The following HACD2 variants were observed in gnomAD, a reference collection of about 807,000 sequenced individuals.
The protein encoded by HACD2 is 3-hydroxyacyl-CoA dehydratase 2.
HACD2 carries 15 observed loss-of-function variants against 31.0 expected under a neutral mutation model. That is an observed-to-expected ratio of 0.48 (90% confidence interval 0.32 to 0.75). The LOEUF is 0.75. Among genes scored for constraint, HACD2 ranks in the 30% least tolerant of loss-of-function variants. The probability of loss-of-function intolerance (pLI) is 0.03; values close to 1 mark genes in which losing one functional copy is unlikely to be tolerated. For synonymous variants in HACD2, 115 were observed against 122.2 expected (o/e 0.94, Z 0.39); for missense variants, 283 against 313.0 (o/e 0.90, Z 0.72).
intron 4 of HACD2, among the ~76,000 whole-genome samples, chr3:123,503,087 C>T (rs751551375): frequency 2.0e-5 from 3 of 152,028 alleles, no homozygotes; most frequent in Non-Finnish European, 2.9e-5. Context: ...AACATGGTAA[C>T]ACCCTGTTTC....
intron 3 of HACD2, among the ~76,000 whole-genome samples, chr3:123,541,808 G>A (rs2107720440): frequency 6.6e-6 from 1 of 152,226 alleles, no homozygotes; most frequent in South Asian, 2.1e-4. Flanking sequence ...TCAAATATTT[G>A]CAACCAATGT....
intron 3 of HACD2, among the ~76,000 whole-genome samples, chr3:123,560,626 G>A (rs1355584011): frequency 1.3e-5 from 2 of 152,236 alleles, no homozygotes; most frequent in South Asian, 4.1e-4. Context: ...TTTGTGACAG[G>A]GGTCCCGGTA....
intron 3 of HACD2, among the ~76,000 whole-genome samples, chr3:123,550,903 T>C (rs1432621829): frequency 2.0e-5 from 3 of 152,040 alleles, no homozygotes; most frequent in East Asian, 1.9e-4. Context: ...ATTTGCAGGA[T>C]GCAGGGAGAA....
intron 3 of HACD2, among the ~76,000 whole-genome samples, chr3:123,529,124 C>T (rs370563770): frequency 6.6e-5 from 10 of 151,734 alleles, no homozygotes; most frequent in African/African-American, 1.7e-4. Flanking sequence ...TTTTTGAGAC[C>T]GAGTCTCACT....
rs547766020 is a variant in HACD2, at chr3:123,551,477, T to G, written c.292+16285A>C. Among the ~76,000 whole-genome samples, 8 of 151,822 alleles carry G rather than the reference T, an allele frequency of 5.3e-5. No individual in the cohort carries two copies. In the East Asian group the frequency reaches 1.4e-3, roughly 26 times the overall value. On this transcript the variant is annotated intron_variant, in intron 3 of 6. Transcript: ENST00000383657. ...CTACTAAAAAAAAATATATAAAAAT[T>G]AGCCAGGCATGGTGGCGAGTGCCTG...
intron 3 of HACD2, among the ~76,000 whole-genome samples, chr3:123,538,719 A>G (rs1440354767): frequency 6.6e-6 from 1 of 152,200 alleles, no homozygotes; most frequent in African/African-American, 2.4e-5. Context: ...GAGCAACTGC[A>G]CCCAGCATTT....
At position 123,494,163 on chromosome 3, in the gene HACD2, G is replaced by A. The variant is rs1296095549; in HGVS notation, c.*725C>T. On this transcript the variant is annotated 3_prime_UTR_variant, in exon 7 of 7. Transcript: ENST00000383657. The stretch of plus-strand genomic sequence containing the variant: ...GAGACCTGTCATTTTGTTAAGACAT[G>A]ATTGAGGCTGAGCTCCAGATAAGAT... The A allele has an allele frequency of 6.6e-6, 1 of 152,238 alleles. No homozygotes were observed. The highest frequency in any genetic ancestry group is 1.5e-5 in the Non-Finnish European group (1 of 68,088). 9.4% of individuals were successfully genotyped at this position (152,238 alleles called of 1,614,324 possible). A position where few individuals can be genotyped will look rare whatever the true frequency, so the allele number is the denominator to read the frequency against.
At chr3:123,561,252 C>T (rs1334583441) in intron 3 of HACD2, among the ~76,000 whole-genome samples, 15 of 152,174 alleles carry the variant, frequency 9.9e-5, no homozygotes, top group Non-Finnish European at 1.6e-4. Context: ...CCATACGCTA[C>T]CGATGAATAT....
intron 2 of HACD2, among the ~76,000 whole-genome samples, chr3:123,570,444 G>A (rs1430965048): frequency 6.6e-6 from 1 of 152,148 alleles, no homozygotes; most frequent in Non-Finnish European, 1.5e-5. Context: ...GGCAGATGTA[G>A]AGGTACAGCC....
At chr3:123,555,211 T>C (rs879570294) in intron 3 of HACD2, among the ~76,000 whole-genome samples, 5 of 152,124 alleles carry the variant, frequency 3.3e-5, no homozygotes, top group Non-Finnish European at 7.4e-5. Flanking sequence ...ATATGAAGAA[T>C]GTCATACTGG....
At position 123,502,679 on chromosome 3, in the gene HACD2, T is replaced by C; in HGVS notation, c.384A>G (p.Val128=). 6.2e-7 allele frequency: 1 copy of C among 1,600,330 alleles called. No individual in the cohort carries two copies. The highest frequency in any genetic ancestry group is 8.5e-7 in the Non-Finnish European group (1 of 1,173,010). Residue 128 remains valine (V), a splice_region_variant and synonymous_variant, in exon 5 of 7, where the codon GTA becomes GTG. Coordinates refer to ENST00000383657, the MANE Select transcript of HACD2 (RefSeq NM_198402.5). ...IWAVTHSVKE[V]QSEDSVLLFV... is the part of the protein sequence containing the mutation. Reference sequence around the variant, plus strand: ...ACAGGAGGACACTGTCTTCACTCTGTACCTGAAGGAAGAGGAAAACAAAAG... The same window carrying C: ...ACAGGAGGACACTGTCTTCACTCTGCACCTGAAGGAAGAGGAAAACAAAAG...
chr3:123,505,274 A>G (rs2107684184), intron 4 of HACD2, among the ~76,000 whole-genome samples: 1 of 152,336 alleles, frequency 6.6e-6, no homozygotes, highest in East Asian at 1.9e-4. Context: ...ATAGAGAATT[A>G]TTGTTTAATT....
intron 3 of HACD2, among the ~76,000 whole-genome samples, chr3:123,560,933 C>T (rs2056721787): frequency 1.3e-5 from 2 of 152,284 alleles, no homozygotes; most frequent in East Asian, 1.9e-4. Flanking sequence ...AGGAATTCCC[C>T]CCTTCCCTCT....
intron 3 of HACD2, among the ~76,000 whole-genome samples, chr3:123,556,380 C>T (rs1022589209): frequency 1.3e-5 from 2 of 149,446 alleles, no homozygotes; most frequent in African/African-American, 2.5e-5. Context: ...AAGGCTGCAG[C>T]GAGCCATGAC....
chr3:123,521,302 G>A (rs1324917384), intron 4 of HACD2, among the ~76,000 whole-genome samples: 1 of 152,134 alleles, frequency 6.6e-6, no homozygotes, highest in Non-Finnish European at 1.5e-5. Context: ...GAAGTCCTGG[G>A]GCAGAGGGAG....
intron 2 of HACD2, among the ~76,000 whole-genome samples, chr3:123,575,553 T>C (rs753879790): frequency 1.4e-4 from 21 of 152,234 alleles, no homozygotes; most frequent in African/African-American, 4.8e-4. Flanking sequence ...TCTGAAAACT[T>C]GGTTAATTTT....
chr3:123,566,229 C>CG (rs2056790366), intron 3 of HACD2, among the ~76,000 whole-genome samples: 1 of 152,166 alleles, frequency 6.6e-6, no homozygotes, highest in African/African-American at 2.4e-5. Flanking sequence ...CCTGGACTCT[C>CG]TACCCGTAAT....
intron 3 of HACD2, among the ~76,000 whole-genome samples, chr3:123,547,828 C>T (rs1471571705): frequency 3.3e-5 from 5 of 151,876 alleles, no homozygotes; most frequent in South Asian, 2.1e-4. Context: ...GCATCAGGCC[C>T]GGATCTACAT....
intron 2 of HACD2, among the ~76,000 whole-genome samples, chr3:123,574,295 G>A (rs901772092): frequency 2.8e-4 from 42 of 152,286 alleles, no homozygotes; most frequent in African/African-American, 9.9e-4. Context: ...GGGTAGTCCT[G>A]CTTTTCTTGA....
Sources: allele counts gnomAD v4.1 joint callset (sites outside exome capture counted in the v4.1 genomes callset), GRCh38; gene constraint gnomAD v4.1.1; transcripts MANE v1.5; gene names NCBI Gene and HGNC (gene_info 2026-07-23, HGNC 2026-07-21).